Variants in PDZRN3 observed in about 807,000 individuals in gnomAD.
PDZRN3 encodes the protein E3 ubiquitin-protein ligase PDZRN3.
A neutral mutation model predicts 85.7 loss-of-function variants in PDZRN3; 38 were observed. That is an observed-to-expected ratio of 0.44 (90% CI 0.34 to 0.58). The LOEUF (loss-of-function observed/expected upper bound fraction) is 0.58, where lower values mean the gene tolerates loss of function less well. PDZRN3 is among the 20% of genes least tolerant of loss of function. The pLI is 0.01. For synonymous variants in PDZRN3, 759 were observed against 638.0 expected, an observed-to-expected ratio of 1.19 and a Z score of -2.86; for missense variants, 1,629 against 1,506.4, an observed-to-expected ratio of 1.08 and a Z score of -1.35.
At chr3:73,416,890 T>TTTTTTTTTTTTTTTTTTTTG (rs1702099860) in intron 3 of PDZRN3, among the ~76,000 whole-genome samples, 2 of 139,960 alleles carry the variant, frequency 1.4e-5, no homozygotes, top group African/African-American at 5.6e-5. Flanking sequence ...TTTTTTTTTT[T>TTTTTTTTTTTTTTTTTTTTG]TTTTTTTTTT....
chr3:73,443,299 G>C (rs1478034037), intron 3 of PDZRN3, among the ~76,000 whole-genome samples: 1 of 152,060 alleles, frequency 6.6e-6, no homozygotes, highest in Non-Finnish European at 1.5e-5. Context: ...TTCGCAGATG[G>C]CTTCCCAGTT....
intron 3 of PDZRN3, among the ~76,000 whole-genome samples, chr3:73,415,475 A>T (rs573089664): frequency 8.3e-4 from 127 of 152,264 alleles, no homozygotes; most frequent in Admixed American, 2.5e-3. Flanking sequence ...TATACTTAAG[A>T]TGTACAGCAT....
At chr3:73,581,078 C>A (rs1702195307) in intron 3 of PDZRN3, among the ~76,000 whole-genome samples, 1 of 152,152 alleles carries the variant, frequency 6.6e-6, no homozygotes, top group African/African-American at 2.4e-5. Context: ...ATGTAAATTT[C>A]TAAAGTTCAG....
intron 3 of PDZRN3, among the ~76,000 whole-genome samples, chr3:73,450,497 T>C (rs1479027741): frequency 1.3e-5 from 2 of 152,206 alleles, no homozygotes; most frequent in African/African-American, 4.8e-5. Flanking sequence ...ATCAGGCACA[T>C]TAATAAGTCA....
intron 3 of PDZRN3, among the ~76,000 whole-genome samples, chr3:73,506,918 CA>C (rs966633629): frequency 2.0e-5 from 3 of 148,334 alleles, no homozygotes; most frequent in Non-Finnish European, 4.5e-5. Flanking sequence ...AACAAAAAAA[CA>C]AAAAAAACTT....
At chr3:73,591,651 C>T (rs1051275603) in intron 3 of PDZRN3, among the ~76,000 whole-genome samples, 1 of 152,082 alleles carries the variant, frequency 6.6e-6, no homozygotes. Flanking sequence ...GCATTTATTC[C>T]GGGGCCAAAA....
At chr3:73,395,237 TC>T in intron 5 of PDZRN3, among the ~76,000 whole-genome samples, 1 of 152,374 alleles carries the variant, frequency 6.6e-6, no homozygotes, top group East Asian at 1.9e-4. Context: ...TCTCAGCATT[TC>T]TGTGTGACTC....
intron 3 of PDZRN3, among the ~76,000 whole-genome samples, chr3:73,506,189 C>A (rs1704067573): frequency 6.6e-6 from 1 of 152,132 alleles, no homozygotes; most frequent in Admixed American, 6.5e-5. Context: ...GCAGGTGGTA[C>A]CTCAGGGCTG....
At chr3:73,455,681 G>A (rs1010490828) in intron 3 of PDZRN3, among the ~76,000 whole-genome samples, 3 of 152,206 alleles carry the variant, frequency 2.0e-5, no homozygotes, top group African/African-American at 7.2e-5. Context: ...CTGAAAGGAT[G>A]GGATGTAATA....
chr3:73,506,022 A>C (rs1704064277), intron 3 of PDZRN3, among the ~76,000 whole-genome samples: 1 of 152,176 alleles, frequency 6.6e-6, no homozygotes, highest in African/African-American at 2.4e-5. Context: ...AGGTACGGGC[A>C]GGTAGAGAGC....
intron 3 of PDZRN3, among the ~76,000 whole-genome samples, chr3:73,547,154 A>G (rs1701445577): frequency 6.6e-6 from 1 of 152,194 alleles, no homozygotes; most frequent in African/African-American, 2.4e-5. Flanking sequence ...TCATCATCCT[A>G]GGATAGAGGA....
At chr3:73,563,566 T>C (rs1212017669) in intron 3 of PDZRN3, among the ~76,000 whole-genome samples, 1 of 152,238 alleles carries the variant, frequency 6.6e-6, no homozygotes, top group Non-Finnish European at 1.5e-5. Context: ...ATTTCATTTA[T>C]AAATCAAGAG....
chr3:73,543,169 C>T (rs1482240754), intron 3 of PDZRN3, among the ~76,000 whole-genome samples: 1 of 152,214 alleles, frequency 6.6e-6, no homozygotes, highest in African/African-American at 2.4e-5. Flanking sequence ...CCAAGACAAA[C>T]AGCATCCAGA....
At position 73,520,261 on chromosome 3, in the gene PDZRN3, T is replaced by C. The variant is rs1408140528; in HGVS notation, c.918+82093A>G. Among the ~76,000 whole-genome samples, 3 of 152,112 alleles carry C rather than the reference T, an allele frequency of 2.0e-5. No individual in the cohort carries two copies. The East Asian group carries it at 5.8e-4, about 29-fold the overall frequency. ...GCTCACACCTGTAATACCAGCACTT[T>C]TGGGAGGCTGAGGTGGGAGGGCTGT... On this transcript the variant is annotated intron_variant, in intron 3 of 9. Transcript: ENST00000263666.
At chr3:73,410,905 C>CA (rs1452776665) in intron 3 of PDZRN3, among the ~76,000 whole-genome samples, 2 of 152,180 alleles carry the variant, frequency 1.3e-5, no homozygotes, top group Non-Finnish European at 2.9e-5. Flanking sequence ...TTAACATGTA[C>CA]ATTTTTGCAT....
chr3:73,609,715 CAA>C (rs1016963906), intron 1 of PDZRN3, among the ~76,000 whole-genome samples: 13 of 152,152 alleles, frequency 8.5e-5, no homozygotes, highest in Non-Finnish European at 1.6e-4. Context: ...CAGCTTATGA[CAA>C]GAGAGATTTT....
intron 3 of PDZRN3, among the ~76,000 whole-genome samples, chr3:73,406,568 G>A (rs1404020425): frequency 1.3e-5 from 2 of 152,160 alleles, no homozygotes; most frequent in African/African-American, 2.4e-5. Context: ...ACCCAGTCAC[G>A]CTGGTCTTCT....
intron 3 of PDZRN3, among the ~76,000 whole-genome samples, chr3:73,545,320 C>G (rs1384717180): frequency 6.6e-6 from 1 of 152,144 alleles, no homozygotes; most frequent in Non-Finnish European, 1.5e-5. Flanking sequence ...ATCTGCGGAT[C>G]AGAGGGTTTA....
At chr3:73,586,858 A>G (rs1702285278) in intron 3 of PDZRN3, among the ~76,000 whole-genome samples, 1 of 152,226 alleles carries the variant, frequency 6.6e-6, no homozygotes, top group Non-Finnish European at 1.5e-5. Flanking sequence ...TAAGTCTATG[A>G]TGATGCAAAC....
Sources: allele counts gnomAD v4.1 joint callset (sites outside exome capture counted in the v4.1 genomes callset), GRCh38; gene constraint gnomAD v4.1.1; transcripts MANE v1.5; gene names NCBI Gene and HGNC (gene_info 2026-07-23, HGNC 2026-07-21).